AGBL1: variants seen among roughly 807,000 people sequenced by gnomAD.
The protein encoded by AGBL1 is cytosolic carboxypeptidase 4.
A neutral mutation model predicts 118.9 loss-of-function variants in AGBL1; 130 were observed. The observed-to-expected ratio is 1.09, with a 90% confidence interval of 0.95 to 1.26. The LOEUF (loss-of-function observed/expected upper bound fraction) is 1.26. Ranked by LOEUF, AGBL1 falls within the 50% of genes most tolerant of loss-of-function variation. The probability of loss-of-function intolerance (pLI) is 0.00; values close to 1 mark genes in which losing one functional copy is unlikely to be tolerated. For missense variants in AGBL1, 1,584 were observed against 1,298.1 expected (o/e 1.22, Z -3.38); for synonymous variants, 555 against 478.9 (o/e 1.16, Z -2.08).
chr15:86,174,486 G>T (rs535702711), intron 5 of AGBL1, among the ~76,000 whole-genome samples: 17 of 152,242 alleles, frequency 1.1e-4, no homozygotes, highest in African/African-American at 4.1e-4. Context: ...TCAGTACTAT[G>T]TTGAGTATGA....
At chr15:86,311,170 A>G (rs1188341970) in intron 17 of AGBL1, among the ~76,000 whole-genome samples, 3 of 152,324 alleles carry the variant, frequency 2.0e-5, no homozygotes, top group East Asian at 1.9e-4. Context: ...TGGCACTTAC[A>G]GATTTATTCT....
At chr15:86,262,554 A>G in intron 9 of AGBL1, 3 of 589,694 alleles carry the variant, frequency 5.1e-6, no homozygotes, top group South Asian at 1.7e-5. Flanking sequence ...ATGAAGGCTG[A>G]TAAATACTGA....
At chr15:86,788,041 C>T (rs1340885137) in intron 22 of AGBL1, among the ~76,000 whole-genome samples, 1 of 152,124 alleles carries the variant, frequency 6.6e-6, no homozygotes, top group Non-Finnish European at 1.5e-5. Flanking sequence ...AAGAAATGTA[C>T]ATCAACTTTT....
rs1015353622 is a variant in AGBL1 at position 86,912,887 on chromosome 15, A to C, written c.*5593A>C. 2.0e-5 allele frequency: 3 copies of C among 152,198 alleles called. No homozygotes were observed. Among genetic ancestry groups the C allele is most frequent in the Admixed American group, 1.3e-4 (2 of 15,280 alleles). The allele number at this position is 152,198 out of a possible 1,614,324, so 9.4% of individuals were successfully genotyped here. ...AGACATGCATAGTAGCCTGGTGCCC[A>C]CCAGGAGGGCTTTTCTGGGCAAAAA... On this transcript the variant is annotated 3_prime_UTR_variant, in exon 23 of 23. Transcript: ENST00000614907.
chr15:86,297,765 A>G (rs1036391395), intron 17 of AGBL1, among the ~76,000 whole-genome samples: 5 of 152,152 alleles, frequency 3.3e-5, no homozygotes, highest in South Asian at 2.1e-4. Flanking sequence ...GAGCTCAGAA[A>G]GGTTAAATAC....
At chr15:86,270,534 C>T (rs945593256) in intron 14 of AGBL1, among the ~76,000 whole-genome samples, 3 of 152,184 alleles carry the variant, frequency 2.0e-5, no homozygotes, top group African/African-American at 7.2e-5. Flanking sequence ...GAGAGAAAGG[C>T]TGACGAGCAG....
chr15:86,209,969 T>G (rs933054610), intron 5 of AGBL1, among the ~76,000 whole-genome samples: 1 of 152,222 alleles, frequency 6.6e-6, no homozygotes. Flanking sequence ...TTCCTTTCCA[T>G]GTTTAGTGCT....
At chr15:86,863,191 G>A (rs1272416984) in intron 22 of AGBL1, among the ~76,000 whole-genome samples, 2 of 152,158 alleles carry the variant, frequency 1.3e-5, no homozygotes, top group African/African-American at 2.4e-5. Context: ...ATAAATACTG[G>A]AGCTGGAAAG....
At chr15:86,135,211 C>T (rs1353501354) in intron 1 of AGBL1, among the ~76,000 whole-genome samples, 1 of 152,200 alleles carries the variant, frequency 6.6e-6, no homozygotes. Flanking sequence ...CCTTCCTTCT[C>T]TCACTTCCTC....
rs529600113 is a variant in AGBL1 at position 86,620,995 on chromosome 15, G to A, written c.2995-53278G>A. 2.4e-4 allele frequency among the ~76,000 whole-genome samples: 31 copies of A among 131,104 alleles called. 1 individual carries two copies. The South Asian group carries it at 8.6e-3, about 36-fold the overall frequency. 86.0% of individuals were successfully genotyped at this position (131,104 alleles called of 152,430 possible). ...CTACTCTCATAGCTATTGCTGCTAAGTTCCTCTGCATCTCTCTTCTCCTCG... is the reference window on the plus strand; with the variant it reads ...CTACTCTCATAGCTATTGCTGCTAAATTCCTCTGCATCTCTCTTCTCCTCG... On this transcript the variant is annotated intron_variant, in intron 21 of 22. Coordinates refer to ENST00000614907, the MANE Select transcript of AGBL1 (RefSeq NM_001386094.1).
rs545565434 is a variant in AGBL1 at position 86,958,206 on chromosome 15, T to TA, written c.3222-29763dup. On this transcript the variant is annotated intron_variant, in intron 23 of 24. Coordinates refer to the AGBL1 transcript ENST00000441037. ...GGTGATAGAGCAAGATCTTGTTTCT[T>TA]AAAAAAAAAAAAAAAAAAGAAAAGA... is the stretch of plus-strand genomic sequence containing the variant. Among the ~76,000 whole-genome samples, 568 of 125,176 alleles carry TA rather than the reference T, an allele frequency of 4.5e-3. 1 individual carries two copies. Among genetic ancestry groups the TA allele is most frequent in the African/African-American group, 7.1e-3 (240 of 33,770 alleles). The allele number at this position is 125,176 out of a possible 152,430, so 82.1% of individuals were successfully genotyped here. A position where few individuals can be genotyped will look rare whatever the true frequency, so the allele number is the denominator to read the frequency against.
intron 23 of AGBL1, among the ~76,000 whole-genome samples, chr15:86,977,234 T>TCATAA (rs1287940742): frequency 6.6e-6 from 1 of 151,980 alleles, no homozygotes; most frequent in Non-Finnish European, 1.5e-5. Context: ...CATGTGCCAC[T>TCATAA]CATAACACAT....
At chr15:86,952,893 A>G (rs2080894114) in intron 23 of AGBL1, among the ~76,000 whole-genome samples, 2 of 152,162 alleles carry the variant, frequency 1.3e-5, no homozygotes. Context: ...CATTCTGCAT[A>G]TAGTCAATTA....
At chr15:86,491,628 G>A (rs1001694032) in intron 18 of AGBL1, among the ~76,000 whole-genome samples, 1 of 152,066 alleles carries the variant, frequency 6.6e-6, no homozygotes, top group Non-Finnish European at 1.5e-5. Flanking sequence ...GAAAGGGTAT[G>A]GTTTTTAGAA....
chr15:86,350,084 A>G (rs1390791573), intron 17 of AGBL1, among the ~76,000 whole-genome samples: 1 of 152,228 alleles, frequency 6.6e-6, no homozygotes, highest in African/African-American at 2.4e-5. Flanking sequence ...GGAGACATAA[A>G]TGTCTGTATG....
In AGBL1 at chr15:86,545,983, C is replaced by T; in HGVS notation, c.2686-19C>T. ...TGACCTGACCTGGTTTTATTTTCTC[C>T]TTTGTTGGGCTATTGTAGGTTTTCT... On this transcript the variant is annotated intron_variant, in intron 19 of 22. Coordinates refer to ENST00000614907, the MANE Select transcript of AGBL1 (RefSeq NM_001386094.1). 6.2e-7 allele frequency: 1 copy of T among 1,608,716 alleles called. No homozygotes were observed. Among genetic ancestry groups the T allele is most frequent in the Non-Finnish European group, 8.5e-7 (1 of 1,176,066 alleles).
At chr15:87,024,221 A>G (rs889550614) in intron 24 of AGBL1, among the ~76,000 whole-genome samples, 1 of 152,082 alleles carries the variant, frequency 6.6e-6, no homozygotes, top group East Asian at 1.9e-4. Flanking sequence ...GATAAATGAA[A>G]CTGATAGACC....
intron 22 of AGBL1, among the ~76,000 whole-genome samples, chr15:86,886,125 C>T (rs985377998): frequency 7.2e-5 from 11 of 151,996 alleles, no homozygotes; most frequent in Admixed American, 5.2e-4. Context: ...CTTTCTTTAT[C>T]GAAACTGTAA....
intron 1 of AGBL1, among the ~76,000 whole-genome samples, chr15:86,116,387 G>A (rs900019015): frequency 1.3e-5 from 2 of 152,212 alleles, no homozygotes; most frequent in African/African-American, 4.8e-5. Flanking sequence ...GATGGCTAAT[G>A]TGTCAGCTTG....
Sources: allele counts gnomAD v4.1 joint callset (sites outside exome capture counted in the v4.1 genomes callset), GRCh38; gene constraint gnomAD v4.1.1; transcripts MANE v1.5; gene names NCBI Gene and HGNC (gene_info 2026-07-23, HGNC 2026-07-21).